Variants in TENM1 observed in about 807,000 individuals in gnomAD.
TENM1 encodes the protein teneurin transmembrane protein 1.
In TENM1, 35 loss-of-function variants were observed where a neutral mutation model predicts 174.8. The observed-to-expected ratio is 0.20, with a 90% confidence interval of 0.15 to 0.27. The LOEUF (loss-of-function observed/expected upper bound fraction) is 0.27. TENM1 is among the 10% of genes least tolerant of loss of function. The pLI is 1.00. For missense variants in TENM1, 1,633 were observed against 2,130.1 expected (o/e 0.77, Z 4.59); for synonymous variants, 781 against 798.7 (o/e 0.98, Z 0.37).
At chrX:125,064,926 G>T in the TENM1 span, among the ~76,000 whole-genome samples, 5 of 111,753 alleles carry the variant, frequency 4.5e-5, no homozygotes, top group Non-Finnish European at 7.5e-5. Flanking sequence ...ACACAATTCT[G>T]ACTGAAAAAA....
the TENM1 span, among the ~76,000 whole-genome samples, chrX:124,970,522 G>GA: frequency 4.4e-5 from 5 of 112,361 alleles, no homozygotes; most frequent in Admixed American, 3.8e-4. Flanking sequence ...GCTCTTAAAA[G>GA]AAAGGTGAAA....
chrX:125,055,231 A>G, the TENM1 span, among the ~76,000 whole-genome samples: 26 of 111,599 alleles, frequency 2.3e-4, no homozygotes, highest in African/African-American at 8.5e-4. Context: ...TTATTACGTC[A>G]GTTTTACAGA....
chrX:125,024,115 T>C, the TENM1 span, among the ~76,000 whole-genome samples: 1 of 111,760 alleles, frequency 8.9e-6, no homozygotes, highest in Non-Finnish European at 1.9e-5. Context: ...AGGCAATGCT[T>C]ATACACTGTG....
At chrX:124,771,848 T>G (rs1390282852) in intron 3 of TENM1, among the ~76,000 whole-genome samples, 1 of 112,112 alleles carries the variant, frequency 8.9e-6, no homozygotes, top group African/African-American at 3.2e-5. Flanking sequence ...AATATTTACA[T>G]TTAAGAAAAT....
intron 3 of TENM1, among the ~76,000 whole-genome samples, chrX:124,845,008 C>G (rs1040150511): frequency 1.8e-5 from 2 of 110,926 alleles, no homozygotes; most frequent in Non-Finnish European, 3.8e-5. Flanking sequence ...ATAAGAAGCA[C>G]CCCAGGTGAC....
At chrX:124,748,947 T>C (rs2053999076) in intron 3 of TENM1, among the ~76,000 whole-genome samples, 1 of 111,670 alleles carries the variant, frequency 9.0e-6, no homozygotes, top group Non-Finnish European at 1.9e-5. Flanking sequence ...TATTATTAAA[T>C]GAATGATCAA....
intron 15 of TENM1, among the ~76,000 whole-genome samples, chrX:124,535,930 G>T (rs1158489701): frequency 1.8e-5 from 2 of 111,936 alleles, no homozygotes; most frequent in East Asian, 5.6e-4. Context: ...CAACACTCTG[G>T]ATTGAGCATT....
chrX:125,084,274 T>C, the TENM1 span, among the ~76,000 whole-genome samples: 1 of 110,470 alleles, frequency 9.1e-6, no homozygotes, highest in Non-Finnish European at 1.9e-5. Flanking sequence ...AAAATCTTTA[T>C]TGAATACTAC....
At chrX:124,744,327 T>G (rs776487846) in intron 3 of TENM1, among the ~76,000 whole-genome samples, 1 of 112,222 alleles carries the variant, frequency 8.9e-6, no homozygotes, top group South Asian at 3.7e-4. Context: ...GAAGCCAATA[T>G]ATTTGTCATC....
At chrX:125,026,878 AC>A in the TENM1 span, among the ~76,000 whole-genome samples, 11 of 112,079 alleles carry the variant, frequency 9.8e-5, no homozygotes, top group Admixed American at 1.0e-3. Flanking sequence ...ACACTTAAAA[AC>A]CTTTTTTAGA....
intron 18 of TENM1, among the ~76,000 whole-genome samples, chrX:124,509,775 C>T (rs1273962760): frequency 2.1e-5 from 2 of 97,349 alleles, no homozygotes; most frequent in East Asian, 6.4e-4. Context: ...GGCTGGAGTG[C>T]AGTGGTGTGA....
At chrX:124,707,279 A>C (rs2052931708) in intron 4 of TENM1, among the ~76,000 whole-genome samples, 1 of 112,276 alleles carries the variant, frequency 8.9e-6, no homozygotes, top group South Asian at 3.7e-4. Context: ...CTAGGATTAC[A>C]GGCATGAGCC....
At chrX:124,965,067 T>TTGA (rs767255886), upstream of TENM1, among the ~76,000 whole-genome samples, 4,958 of 97,468 alleles carry the variant, frequency 0.051, 298 homozygotes, top group African/African-American at 0.26. Flanking sequence ...TATTGATCAA[T>TTGA]TTGATTGATT....
chrX:124,469,548 T>A lies in TENM1; in HGVS notation c.3949+12184A>T, dbSNP rs144073779. Reference sequence around the variant, plus strand: ...TTTCCAAATTTCACAGGGCTCAAATTGGAGAGGCACATGGTATGATTTAAG... The same window carrying A: ...TTTCCAAATTTCACAGGGCTCAAATAGGAGAGGCACATGGTATGATTTAAG... On this transcript the variant is annotated intron_variant, in intron 22 of 31. Transcript: ENST00000422452. Among the ~76,000 whole-genome samples the A allele has an allele frequency of 6.1e-3, 679 of 111,322 alleles. 1 individual carries two copies. The highest frequency in any genetic ancestry group is 9.7e-3 in the Non-Finnish European group (512 of 53,047).
intron 11 of TENM1, among the ~76,000 whole-genome samples, chrX:124,584,330 G>A (rs5910096): frequency 0.25 from 26,676 of 104,789 alleles, 3,177 homozygotes; most frequent in African/African-American, 0.38. Flanking sequence ...GACTAACAGC[G>A]GATCTCTCGG....
chrX:124,533,206 G>T (rs932807462), intron 15 of TENM1, among the ~76,000 whole-genome samples: 7 of 111,661 alleles, frequency 6.3e-5, no homozygotes. Flanking sequence ...CTGCCATTTT[G>T]TGCACTCCCA....
At chrX:124,965,057 T>G (rs1453461171), upstream of TENM1, among the ~76,000 whole-genome samples, 1 of 101,545 alleles carries the variant, frequency 9.8e-6, no homozygotes, top group Non-Finnish European at 1.9e-5. Flanking sequence ...GGCTGATTTT[T>G]ATTGATCAAT....
chrX:124,901,619 A>G (rs1197273412), intron 1 of TENM1, among the ~76,000 whole-genome samples: 2 of 111,047 alleles, frequency 1.8e-5, no homozygotes, highest in Non-Finnish European at 3.8e-5. Context: ...CTGGGACTAC[A>G]GGCATGCACC....
At chrX:124,710,287 G>A (rs1312696578) in intron 4 of TENM1, among the ~76,000 whole-genome samples, 2 of 111,505 alleles carry the variant, frequency 1.8e-5, no homozygotes, top group Non-Finnish European at 3.8e-5. Flanking sequence ...TGGATTCGAT[G>A]CAGCAACACT....
Sources: gnomAD v4.1 joint callset for allele counts (sites outside exome capture counted in the v4.1 genomes callset) on GRCh38, gnomAD v4.1.1 for gene constraint, MANE v1.5 for transcripts, NCBI Gene and HGNC (gene_info 2026-07-23, HGNC 2026-07-21) for gene names.